PACS2: variants seen among roughly 807,000 people sequenced by gnomAD.
PACS2 encodes the protein PACS1-like protein.
PACS2 carries 36 observed loss-of-function variants against 113.0 expected under a neutral mutation model. The observed-to-expected ratio is 0.32, with a 90% CI of 0.24 to 0.42. PACS2 has a LOEUF of 0.42. PACS2 is among the 10% of genes least tolerant of loss of function. The pLI is 1.00. For synonymous variants in PACS2, 589 were observed against 536.1 expected (o/e 1.10, Z -1.36); for missense variants, 1,015 against 1,239.5 (o/e 0.82, Z 2.72).
At chr14:105,311,787 C>T (rs1463759714), upstream of PACS2, among the ~76,000 whole-genome samples, 1 of 152,208 alleles carries the variant, frequency 6.6e-6, no homozygotes, top group Admixed American at 6.5e-5. Flanking sequence ...CATGGCTTCC[C>T]AGAAAATGCC....
rs139135435 is a variant in PACS2 at position 105,359,242 on chromosome 14, C to T, written c.423+4065C>T. Reference sequence around the variant, plus strand: ...CCTCCAGCCCCGCAGGCTCTGCCATCGTCAGTGCCCTATTCACAGGCACCA... The same window carrying T: ...CCTCCAGCCCCGCAGGCTCTGCCATTGTCAGTGCCCTATTCACAGGCACCA... On this transcript the variant is annotated intron_variant, in intron 4 of 24. Coordinates refer to ENST00000447393, the MANE Select transcript of PACS2 (RefSeq NM_001100913.3). 6.8e-4 allele frequency among the ~76,000 whole-genome samples: 103 copies of T among 152,292 alleles called. 1 individual carries two copies. The highest frequency in any genetic ancestry group is 2.4e-3 in the African/African-American group (101 of 41,574).
In PACS2 at chr14:105,356,694, C is replaced by T. The variant is rs1333548901; in HGVS notation, c.423+1517C>T. 1.2e-4 allele frequency among the ~76,000 whole-genome samples: 18 copies of T among 151,376 alleles called. No individual in the cohort carries two copies. On this transcript the variant is annotated intron_variant, in intron 4 of 24. Coordinates refer to ENST00000447393, the MANE Select transcript of PACS2 (RefSeq NM_001100913.3). The surrounding 1 kb of genome is among the most constrained non-coding windows in gnomAD (Gnocchi z 4.0). ...GAGGTCCTGCTGATCCCTGCCGGTC[C>T]CTGTGTTTCCCATTAGCCATGCAGG...
chr14:105,362,357 C>A (rs1193157489), intron 4 of PACS2, among the ~76,000 whole-genome samples: 1 of 144,020 alleles, frequency 6.9e-6, no homozygotes, highest in Non-Finnish European at 1.5e-5. Context: ...GTGGAGCTTG[C>A]AGTGAGCCGA....
chr14:105,367,388 C>G lies in PACS2; in HGVS notation c.586+13C>G, dbSNP rs1555408222. ...GCCAAGTCCACGGGTGAGTGTGGTG[C>G]CAGCCCGCTCCTGCCCCTGCTGTGG... On this transcript the variant is annotated intron_variant, in intron 5 of 24. Coordinates refer to ENST00000447393, the MANE Select transcript of PACS2 (RefSeq NM_001100913.3). 1 of 1,609,742 alleles carries G rather than the reference C, an allele frequency of 6.2e-7. No individual in the cohort carries two copies. Among genetic ancestry groups the G allele is most frequent in the East Asian group, 2.2e-5 (1 of 44,792 alleles).
upstream of PACS2, among the ~76,000 whole-genome samples, chr14:105,311,893 G>A (rs1209906611): frequency 6.6e-6 from 1 of 152,328 alleles, no homozygotes; most frequent in Non-Finnish European, 1.5e-5. Flanking sequence ...GATGCGGCAG[G>A]GCCTGTCTAG....
chr14:105,342,264 G>GTGTGTGTT (rs1566920040), intron 1 of PACS2, among the ~76,000 whole-genome samples: 3 of 151,838 alleles, frequency 2.0e-5, no homozygotes, highest in Admixed American at 6.6e-5. Context: ...GTGTGTGTGT[G>GTGTGTGTT]TGTGTGTCTA....
intron 1 of PACS2, among the ~76,000 whole-genome samples, chr14:105,325,849 T>G (rs2059084680): frequency 6.6e-6 from 1 of 152,252 alleles, no homozygotes; most frequent in African/African-American, 2.4e-5. Flanking sequence ...GACCTTGGGC[T>G]GCTGTCCTGC....
rs587674736 is a variant in PACS2, at chr14:105,393,406, C to G, written c.2596+71C>G. ...GAGCACAGCAAGGCTGCTTTGGAGC[C>G]CAGCCTAGGAGCTGCGGGTGTCTCG... On this transcript the variant is annotated intron_variant, in intron 24 of 24. Coordinates refer to ENST00000447393, the MANE Select transcript of PACS2 (RefSeq NM_001100913.3). The G allele has an allele frequency of 1.1e-4, 111 of 1,028,484 alleles. No homozygotes were observed. In the Middle Eastern group the frequency reaches 2.7e-3, roughly 25 times the overall value. 63.7% of individuals were successfully genotyped at this position (1,028,484 alleles called of 1,614,324 possible). A position where few individuals can be genotyped will look rare whatever the true frequency, so the allele number is the denominator to read the frequency against.
intron 24 of PACS2, chr14:105,393,661 C>T (rs1240842525): frequency 4.6e-6 from 1 of 217,072 alleles, no homozygotes; most frequent in Non-Finnish European, 9.0e-6. Flanking sequence ...GTGATCTCAG[C>T]TCACTGCAAC....
chr14:105,369,928 G>T (rs782269633), intron 8 of PACS2, 28 bp downstream of exon 8: 10 of 1,580,780 alleles, frequency 6.3e-6, no homozygotes, highest in Non-Finnish European at 6.9e-6. Context: ...TCTGCTCGCG[G>T]CCCCCACGCC....
rs188698251 is a variant in PACS2, at chr14:105,338,043, A to G, written c.120-10450A>G. 7.0e-4 allele frequency among the ~76,000 whole-genome samples: 107 copies of G among 152,254 alleles called. 1 individual carries two copies. The East Asian group carries it at 0.02, about 28-fold the overall frequency. On this transcript the variant is annotated intron_variant, in intron 1 of 24. Coordinates refer to ENST00000447393, the MANE Select transcript of PACS2 (RefSeq NM_001100913.3). ...CATGCTGTCTCTGGCCTCCTCACCC[A>G]TGGAGGTCCTGCCCCGCCCCCATCT...
chr14:105,318,182 T>G (rs958275485), intron 1 of PACS2, among the ~76,000 whole-genome samples: 1 of 152,248 alleles, frequency 6.6e-6, no homozygotes, highest in African/African-American at 2.4e-5. Flanking sequence ...AGGGTCTCCC[T>G]ATGTTGCCCA....
chr14:105,389,559 G>A, intron 19 of PACS2: 1 of 249,412 alleles, frequency 4.0e-6, no homozygotes, highest in Non-Finnish European at 8.1e-6. Context: ...AACCCCAGCA[G>A]AGCAGGGGTG....
At chr14:105,392,109 G>A in intron 22 of PACS2, 1 of 369,538 alleles carries the variant, frequency 2.7e-6, no homozygotes, top group East Asian at 5.8e-5. Flanking sequence ...GTCCTCATGG[G>A]ATGAGCTTCG....
At chr14:105,362,229 T>A (rs190097912) in intron 4 of PACS2, among the ~76,000 whole-genome samples, 50 of 149,456 alleles carry the variant, frequency 3.3e-4, no homozygotes, top group East Asian at 1.0e-3. Flanking sequence ...CCATCCTGGC[T>A]AACACAGTGA....
Position 105,376,527 on chromosome 14 carries a change from G to A in PACS2, c.802-241G>A, listed in dbSNP as rs1164252290. On this transcript the variant is annotated intron_variant, in intron 8 of 24. Transcript: ENST00000447393. This position sits in a 1 kb window ranked among gnomAD's most constrained non-coding sequence, Gnocchi z 4.7. ...CTCCGTGCACCCTGGCAGCCCAGAT[G>A]ACTGCACCAGCCCAGGGGAGGTGGA... Among the ~76,000 whole-genome samples, 1 of 152,156 alleles carries A rather than the reference G, an allele frequency of 6.6e-6. No individual in the cohort carries two copies. Among genetic ancestry groups the A allele is most frequent in the African/African-American group, 2.4e-5 (1 of 41,434 alleles).
intron 21 of PACS2, 119 bp from the exon 22 acceptor site, chr14:105,391,512 T>TTCCCCCCCCCCCCCCCCCC: frequency 3.3e-6 from 2 of 611,324 alleles, no homozygotes; most frequent in East Asian, 2.9e-5. Context: ...CACTGGGGAC[T>TTCCCCCCCCCCCCCCCCCC]CCCACCCTGC....
chr14:105,319,841 C>T (rs1001642533), intron 1 of PACS2, among the ~76,000 whole-genome samples: 1 of 152,166 alleles, frequency 6.6e-6, no homozygotes, highest in Non-Finnish European at 1.5e-5. Context: ...AAGTCTCATC[C>T]TATTCATGAC....
At chr14:105,394,466 C>T in intron 24 of PACS2, 88 bp from the exon 25 acceptor site, 1 of 1,583,826 alleles carries the variant, frequency 6.3e-7, no homozygotes, top group Non-Finnish European at 8.6e-7. Flanking sequence ...CGCCCGGCTG[C>T]CACCCAGCCT....
Sources: allele counts gnomAD v4.1 joint callset (sites outside exome capture counted in the v4.1 genomes callset), GRCh38; gene constraint gnomAD v4.1.1; non-coding constraint Gnocchi (gnomAD v3.1); transcripts MANE v1.5; gene names NCBI Gene and HGNC (gene_info 2026-07-23, HGNC 2026-07-21).